The following MPPED1 variants were observed in gnomAD, a reference collection of about 807,000 sequenced individuals.
MPPED1 encodes the protein metallophosphoesterase domain-containing protein 1.
Under a neutral mutation model 36.2 loss-of-function variants are expected in MPPED1, and 16 were observed. The observed-to-expected ratio is 0.44, with a 90% CI of 0.30 to 0.67. MPPED1 has a LOEUF of 0.67. MPPED1 is among the 30% of genes least tolerant of loss of function. The probability of loss-of-function intolerance (pLI) is 0.10; values close to 1 mark genes in which losing one functional copy is unlikely to be tolerated. For missense variants in MPPED1, 307 were observed against 453.4 expected (o/e 0.68, Z 2.93); for synonymous variants, 199 against 191.3 (o/e 1.04, Z -0.33).
chr22:43,445,999 T>C (rs1037650662), intron 3 of MPPED1, among the ~76,000 whole-genome samples: 6 of 150,358 alleles, frequency 4.0e-5, no homozygotes, highest in African/African-American at 1.5e-4. Context: ...GCCCCCCTAG[T>C]AGCTGGGACT....
chr22:43,491,748 A>G (rs746932645), intron 4 of MPPED1, among the ~76,000 whole-genome samples: 109 of 34,018 alleles, frequency 3.2e-3, no homozygotes, highest in African/African-American at 5.6e-3. Context: ...GGTGATGGTG[A>G]TGGAGGTAGT....
chr22:43,414,254 A>C (rs1169755240), intron 1 of MPPED1, among the ~76,000 whole-genome samples: 1 of 152,144 alleles, frequency 6.6e-6, no homozygotes, highest in Non-Finnish European at 1.5e-5. Context: ...GCTTAAGTTC[A>C]TTTGTTCTTC....
chr22:43,442,661 T>C (rs1207295210), intron 3 of MPPED1, among the ~76,000 whole-genome samples: 1 of 152,058 alleles, frequency 6.6e-6, no homozygotes, highest in Non-Finnish European at 1.5e-5. Context: ...ACTGGCAGCC[T>C]CTCCCCAGTG....
At chr22:43,465,018 A>G (rs1338691645) in intron 3 of MPPED1, among the ~76,000 whole-genome samples, 48 of 152,184 alleles carry the variant, frequency 3.2e-4, no homozygotes, top group Admixed American at 3.1e-3. Flanking sequence ...CCGGTACCAC[A>G]TACACACCTG....
chr22:43,442,122 TTGTC>T (rs1288408576), intron 3 of MPPED1, among the ~76,000 whole-genome samples: 4 of 151,936 alleles, frequency 2.6e-5, no homozygotes, highest in East Asian at 3.9e-4. Context: ...CTCTCATAAT[TTGTC>T]TGTCCTTTCC....
chr22:43,436,196 T>A (rs969072912), intron 3 of MPPED1, among the ~76,000 whole-genome samples: 11 of 152,232 alleles, frequency 7.2e-5, no homozygotes, highest in African/African-American at 2.7e-4. Flanking sequence ...CAGTGAGGCA[T>A]CTCTGTCCCC....
chr22:43,502,699 C>T lies in MPPED1; in HGVS notation c.804C>T (p.Leu268=), dbSNP rs779315589. Residue 268 remains leucine, a synonymous_variant, in exon 6 of 7, where the codon CTC becomes CTT. Coordinates refer to ENST00000443721, the MANE Select transcript of MPPED1 (RefSeq NM_001044370.2). This position sits in a 1 kb window ranked among gnomAD's most constrained non-coding sequence, Gnocchi z 5.5. ...AGCGGGTGGGCTGTGTGGAGCTGCTCAACACGGTGCAGAGGCGCGTCCAGC... is the reference window on the plus strand; with the variant it reads ...AGCGGGTGGGCTGTGTGGAGCTGCTTAACACGGTGCAGAGGCGCGTCCAGC... ...KMQRVGCVEL[L]NTVQRRVQPR... 3.7e-6 allele frequency: 6 copies of T among 1,613,190 alleles called. No homozygotes were observed. The highest frequency in any genetic ancestry group is 5.1e-6 in the Non-Finnish European group (6 of 1,179,864).
rs201227890 is a variant in MPPED1, at chr22:43,486,767, T to TC, written c.633-11468_633-11467insC. 6.2e-3 allele frequency among the ~76,000 whole-genome samples: 943 copies of TC among 152,020 alleles called. 14 individuals are homozygous for TC. Among genetic ancestry groups the TC allele is most frequent in the African/African-American group, 0.022 (894 of 41,468 alleles). On this transcript the variant is annotated intron_variant, in intron 4 of 6. Coordinates refer to ENST00000443721, the MANE Select transcript of MPPED1 (RefSeq NM_001044370.2). ...GAGGGGCCCCCAGGGGAGGTGAGCC[T>TC]TCCTGGGGGTCCAGATGCAGCAGAG... is the stretch of plus-strand genomic sequence containing the variant.
intron 3 of MPPED1, among the ~76,000 whole-genome samples, chr22:43,461,836 C>A (rs2146868017): frequency 6.6e-6 from 1 of 152,276 alleles, no homozygotes; most frequent in Non-Finnish European, 1.5e-5. Flanking sequence ...TTGTGGAGTT[C>A]ATTAACTTTA....
intron 2 of MPPED1, among the ~76,000 whole-genome samples, chr22:43,425,666 G>T (rs1929442787): frequency 6.6e-6 from 1 of 152,244 alleles, no homozygotes; most frequent in African/African-American, 2.4e-5. Flanking sequence ...CCGAGCCCCA[G>T]AGAGGGGAAG....
intron 5 of MPPED1, among the ~76,000 whole-genome samples, chr22:43,499,499 G>GTGA (rs1932552686): frequency 2.7e-5 from 4 of 146,042 alleles, no homozygotes; most frequent in Non-Finnish European, 6.0e-5. Flanking sequence ...GGTGGTGATG[G>GTGA]TGGTAATGGA....
At chr22:43,448,831 G>A (rs1231738204) in intron 3 of MPPED1, among the ~76,000 whole-genome samples, 6 of 152,076 alleles carry the variant, frequency 3.9e-5, no homozygotes, top group African/African-American at 1.2e-4. Context: ...TCGAACTCCT[G>A]ACCTCAAGTG....
intron 4 of MPPED1, among the ~76,000 whole-genome samples, chr22:43,493,300 G>C (rs1047556123): frequency 1.3e-5 from 2 of 152,222 alleles, no homozygotes; most frequent in Non-Finnish European, 2.9e-5. Context: ...TTTTCAAATG[G>C]GGTTCCAAGG....
chr22:43,485,273 C>T (rs117240868), intron 4 of MPPED1, among the ~76,000 whole-genome samples: 5,821 of 152,112 alleles, frequency 0.038, 171 homozygotes, highest in Non-Finnish European at 0.056. Flanking sequence ...CACATCCACA[C>T]GCTCAAACAC....
chr22:43,471,487 C>T (rs1601990485), intron 3 of MPPED1, among the ~76,000 whole-genome samples: 1 of 152,310 alleles, frequency 6.6e-6, no homozygotes, highest in Non-Finnish European at 1.5e-5. Flanking sequence ...GTGGGTTTCC[C>T]AGCCTTTGAG....
At chr22:43,495,827 G>A (rs375757650) in intron 4 of MPPED1, among the ~76,000 whole-genome samples, 10 of 69,140 alleles carry the variant, frequency 1.4e-4, no homozygotes, top group Admixed American at 4.6e-4. Context: ...GGTGGTGGTG[G>A]TGGAGGTAGT....
chr22:43,485,490 A>G (rs1931884832), intron 4 of MPPED1, among the ~76,000 whole-genome samples: 1 of 151,624 alleles, frequency 6.6e-6, no homozygotes, highest in Non-Finnish European at 1.5e-5. Flanking sequence ...TCACACACAT[A>G]CACATGGATG....
intron 1 of MPPED1, 53 bp downstream of exon 1, chr22:43,412,211 G>T (rs867425292): frequency 1.4e-5 from 13 of 938,718 alleles, no homozygotes; most frequent in South Asian, 4.8e-5. Flanking sequence ...GGCCGGGCGC[G>T]GGGCGCGGCC....
At chr22:43,462,414 A>G (rs1179995922) in intron 3 of MPPED1, among the ~76,000 whole-genome samples, 1 of 152,088 alleles carries the variant, frequency 6.6e-6, no homozygotes, top group Non-Finnish European at 1.5e-5. Flanking sequence ...CGAAGGAACA[A>G]CCTGGGATTG....
Sources: allele counts gnomAD v4.1 joint callset (sites outside exome capture counted in the v4.1 genomes callset), GRCh38; gene constraint gnomAD v4.1.1; non-coding constraint Gnocchi (gnomAD v3.1); transcripts MANE v1.5; gene names NCBI Gene and HGNC (gene_info 2026-07-23, HGNC 2026-07-21).